Variants in MDM1 observed in about 807,000 individuals in gnomAD.
MDM1 encodes the protein stabilizer of axonemal microtubules 6, also known as Mdm1 nuclear protein.
In MDM1, 61 loss-of-function variants were observed where a neutral mutation model predicts 89.1. The observed-to-expected ratio is 0.68, with a 90% confidence interval of 0.56 to 0.85. The LOEUF is 0.85. Ranked by LOEUF, MDM1 falls within the 40% of genes least tolerant of loss-of-function variation. The probability of loss-of-function intolerance (pLI) is 0.00; values close to 1 mark genes in which losing one functional copy is unlikely to be tolerated. For missense variants in MDM1, 820 were observed against 846.5 expected (o/e 0.97, Z 0.39); for synonymous variants, 290 against 294.1 (o/e 0.99, Z 0.14).
intron 4 of MDM1, among the ~76,000 whole-genome samples, chr12:68,324,766 T>C (rs1875718656): frequency 6.6e-6 from 1 of 152,196 alleles, no homozygotes; most frequent in South Asian, 2.1e-4. Context: ...TTCCTGTCTA[T>C]GCCTAGAAGT....
chr12:68,332,218 C>T lies in MDM1; in HGVS notation c.18+10G>A, dbSNP rs1392231283. 1 of 1,568,864 alleles carries T rather than the reference C, an allele frequency of 6.4e-7. No individual in the cohort carries two copies. Among genetic ancestry groups the T allele is most frequent in the Non-Finnish European group, 8.6e-7 (1 of 1,157,138 alleles). On this transcript the variant is annotated intron_variant, in intron 1 of 14. Coordinates refer to ENST00000682720, the MANE Select transcript of MDM1 (RefSeq NM_001354969.2). ...CCAGCCACATTCCGGCCCGGGGACC[C>T]CAGCCTCACCTTGAAGCGCACCGGC...
chr12:68,329,624 T>C (rs542490800), intron 2 of MDM1, among the ~76,000 whole-genome samples: 167 of 152,204 alleles, frequency 1.1e-3, no homozygotes, highest in Non-Finnish European at 1.9e-3. Flanking sequence ...TAATTCAAAT[T>C]TAGGCTAATT....
chr12:68,309,716 G>A (rs939300734), intron 12 of MDM1, among the ~76,000 whole-genome samples: 2 of 152,082 alleles, frequency 1.3e-5, no homozygotes, highest in African/African-American at 4.8e-5. Context: ...AATGACCTAT[G>A]GGTTTAATTT....
At chr12:68,329,272 T>C (rs922761365) in intron 2 of MDM1, among the ~76,000 whole-genome samples, 1 of 152,194 alleles carries the variant, frequency 6.6e-6, no homozygotes, top group Non-Finnish European at 1.5e-5. Context: ...GGTCAGATCA[T>C]GATGCTTCAG....
chr12:68,319,002 AG>A (rs1362218687), intron 7 of MDM1, among the ~76,000 whole-genome samples: 1 of 152,228 alleles, frequency 6.6e-6, no homozygotes, highest in Non-Finnish European at 1.5e-5. Flanking sequence ...TCTCAAATGC[AG>A]GACTTTATCT....
chr12:68,321,163 C>T, intron 7 of MDM1, 184 bp downstream of exon 7: 2 of 383,968 alleles, frequency 5.2e-6, no homozygotes, highest in South Asian at 7.6e-5. Context: ...TCTGAAGAGC[C>T]AGTGGCATTA....
intron 13 of MDM1, among the ~76,000 whole-genome samples, chr12:68,302,395 A>C (rs1872286912): frequency 6.6e-6 from 1 of 152,224 alleles, no homozygotes; most frequent in South Asian, 2.1e-4. Flanking sequence ...TGTATGAATA[A>C]GAACTTGAGA....
At chr12:68,321,180 ATG>A (rs1281624011) in intron 7 of MDM1, 165 bp downstream of exon 7, 4 of 452,822 alleles carry the variant, frequency 8.8e-6, no homozygotes, top group Non-Finnish European at 1.5e-5. Flanking sequence ...ATTAAAAAAA[ATG>A]ATAATTTACA....
chr12:68,295,453 G>C (rs1377493669), intron 14 of MDM1, 87 bp from the exon 15 acceptor site: 1 of 825,772 alleles, frequency 1.2e-6, no homozygotes, highest in Non-Finnish European at 1.9e-6. Context: ...AAAATTAAAA[G>C]CATCAAACTG....
At chr12:68,305,965 GA>G (rs919831808) in intron 12 of MDM1, among the ~76,000 whole-genome samples, 7 of 135,154 alleles carry the variant, frequency 5.2e-5, no homozygotes, top group Admixed American at 7.3e-5. Flanking sequence ...AAAAAAAAAG[GA>G]AAAAAAAAAG....
chr12:68,326,704 C>T lies in MDM1; in HGVS notation c.451G>A (p.Glu151Lys), dbSNP rs200960850. 1.2e-6 allele frequency: 2 copies of T among 1,613,988 alleles called. No homozygotes were observed. The highest frequency in any genetic ancestry group is 2.7e-5 in the African/African-American group (2 of 74,932). Residue 151 changes from glutamate (E) to lysine (K), a missense_variant, in exon 3 of 15, where the codon GAA becomes AAA. By Grantham distance (56) the Glu-to-Lys change is moderately conservative (BLOSUM62 1). Transcript: ENST00000682720. ...TNHTPVNENV[E>K]LEHSTKVLSE... ...AGAACCTTGGTAGAATGTTCCAGTTCCACATTTTCATTAACTGGTGTATGG... is the reference window on the plus strand; with the variant it reads ...AGAACCTTGGTAGAATGTTCCAGTTTCACATTTTCATTAACTGGTGTATGG...
chr12:68,295,054 G>A lies in MDM1; in HGVS notation c.*200C>T. 1 of 359,582 alleles carries A rather than the reference G, an allele frequency of 2.8e-6. No homozygotes were observed. Among genetic ancestry groups the A allele is most frequent in the East Asian group, 5.6e-5 (1 of 17,950 alleles). The allele number at this position is 359,582 out of a possible 1,614,324, so 22.3% of individuals were successfully genotyped here. ...AATAATCTAGGTCTTTGTACTCTGGGATAGATGTAAAAAGAATTCTTTAAA... is the reference window on the plus strand; with the variant it reads ...AATAATCTAGGTCTTTGTACTCTGGAATAGATGTAAAAAGAATTCTTTAAA... On this transcript the variant is annotated 3_prime_UTR_variant, in exon 15 of 15. Coordinates refer to ENST00000682720, the MANE Select transcript of MDM1 (RefSeq NM_001354969.2).
rs749470652 is a variant in MDM1 at position 68,332,253 on chromosome 12, G to A, written c.-8C>T. On this transcript the variant is annotated 5_prime_UTR_variant, in exon 1 of 15. Coordinates refer to ENST00000682720, the MANE Select transcript of MDM1 (RefSeq NM_001354969.2). ...CTTGAAGCGCACCGGCATGTCGCCC[G>A]GCGCCGGAGCCCCCGCTACTCCGAC... 1.5e-5 allele frequency: 23 copies of A among 1,582,540 alleles called. No individual in the cohort carries two copies. The East Asian group carries it at 2.3e-4, about 16-fold the overall frequency.
At chr12:68,304,628 T>C (rs1377587559) in intron 12 of MDM1, among the ~76,000 whole-genome samples, 3 of 152,188 alleles carry the variant, frequency 2.0e-5, no homozygotes, top group Non-Finnish European at 1.5e-5. Flanking sequence ...AAATTTGTGA[T>C]CTCTGTAAAA....
intron 5 of MDM1, 51 bp from the exon 6 acceptor site, chr12:68,321,679 A>C (rs1042753959): frequency 1.1e-5 from 13 of 1,189,434 alleles, no homozygotes; most frequent in Non-Finnish European, 1.6e-5. Context: ...TACACATTAA[A>C]GTGAAAACAT....
chr12:68,316,966 G>C (rs988289005), intron 7 of MDM1, among the ~76,000 whole-genome samples: 2 of 152,026 alleles, frequency 1.3e-5, no homozygotes, highest in African/African-American at 4.8e-5. Flanking sequence ...CTCACTGGGA[G>C]ATGAATGAGG....
chr12:68,325,872 C>A, intron 3 of MDM1: 2 of 1,024,288 alleles, frequency 2.0e-6, no homozygotes, highest in Non-Finnish European at 1.2e-6. Context: ...ATAATTAAAT[C>A]TATTACCAAA....
In MDM1 at chr12:68,304,092, C is replaced by T. The variant is rs117849181; in HGVS notation, c.1750-1220G>A. On this transcript the variant is annotated intron_variant, in intron 12 of 14. Coordinates refer to ENST00000682720, the MANE Select transcript of MDM1 (RefSeq NM_001354969.2). ...GCATCACTGCACTCCAGCCAGGAAACGGAGAGAGACTGTCTCAAAAAATAA... is the reference window on the plus strand; with the variant it reads ...GCATCACTGCACTCCAGCCAGGAAATGGAGAGAGACTGTCTCAAAAAATAA... Among the ~76,000 whole-genome samples, 45 of 151,966 alleles carry T rather than the reference C, an allele frequency of 3.0e-4. 1 individual carries two copies. The East Asian group carries it at 6.0e-3, about 20-fold the overall frequency.
chr12:68,320,069 C>T (rs1420853951), intron 7 of MDM1, among the ~76,000 whole-genome samples: 1 of 152,212 alleles, frequency 6.6e-6, no homozygotes, highest in African/African-American at 2.4e-5. Context: ...AGTGTCACGC[C>T]TAAACACAAC....
Sources: gnomAD v4.1 joint callset for allele counts (sites outside exome capture counted in the v4.1 genomes callset) on GRCh38, gnomAD v4.1.1 for gene constraint, MANE v1.5 for transcripts, NCBI Gene and HGNC (gene_info 2026-07-23, HGNC 2026-07-21) for gene names.